Variants in MAU2 observed in about 807,000 individuals in gnomAD.
The protein encoded by MAU2 is MAU2 sister chromatid cohesion factor.
In MAU2, 9 loss-of-function variants were observed where a neutral mutation model predicts 89.1. That is an observed-to-expected ratio of 0.10 (90% CI 0.06 to 0.18). The LOEUF is 0.18. MAU2 is among the 10% of genes least tolerant of loss of function. The pLI, the probability that MAU2 is intolerant of heterozygous loss-of-function variation, is 1.00. For missense variants in MAU2, 425 were observed against 803.5 expected, an observed-to-expected ratio of 0.53 and a Z score of 5.69; for synonymous variants, 357 against 343.4, an observed-to-expected ratio of 1.04 and a Z score of -0.44.
chr19:19,322,460 G>A (rs560596354), intron 1 of MAU2, among the ~76,000 whole-genome samples: 73 of 152,250 alleles, frequency 4.8e-4, no homozygotes, highest in African/African-American at 1.6e-3. Flanking sequence ...CTAGCTGGGC[G>A]TACTGACGCG....
intron 10 of MAU2, chr19:19,344,513 T>G: frequency 5.2e-6 from 2 of 387,528 alleles, no homozygotes; most frequent in Non-Finnish European, 9.5e-6. Context: ...CCTTTGACAG[T>G]GATTGTTATA....
chr19:19,354,235 A>G, intron 16 of MAU2, 120 bp from the exon 17 acceptor site: 2 of 718,532 alleles, frequency 2.8e-6, no homozygotes, highest in Admixed American at 2.0e-5. Context: ...ACGCAGAAGG[A>G]GGTCACAACC....
Position 19,358,730 on chromosome 19 carries a change from A to G in MAU2, c.*2948A>G, listed in dbSNP as rs935871611. ...TGTGGATTTTGTTTCCTATATATTC[A>G]AAGTAAAATGACTTACAGGAGCCAC... is the stretch of plus-strand genomic sequence containing the variant. On this transcript the variant is annotated 3_prime_UTR_variant, in exon 19 of 19. Coordinates refer to ENST00000262815, the MANE Select transcript of MAU2 (RefSeq NM_015329.4). 1.3e-5 allele frequency: 2 copies of G among 152,224 alleles called. No individual in the cohort carries two copies. Among genetic ancestry groups the G allele is most frequent in the African/African-American group, 2.4e-5 (1 of 41,452 alleles). The allele number at this position is 152,224 out of a possible 1,614,324, so 9.4% of individuals were successfully genotyped here.
rs1273229780 is a variant in MAU2, at chr19:19,340,837, G to C, written c.552-9G>C. 1 of 1,613,208 alleles carries C rather than the reference G, an allele frequency of 6.2e-7. No individual in the cohort carries two copies. Among genetic ancestry groups the C allele is most frequent in the African/African-American group, 1.3e-5 (1 of 74,872 alleles). On this transcript the variant is annotated splice_polypyrimidine_tract_variant and intron_variant, in intron 5 of 18. Transcript: ENST00000262815. ...TGCTAGGACCTGACCCCTGCCTCTTGTTTTGCAGGGCGCTGTTCCTCCTCA... is the reference window on the plus strand; with the variant it reads ...TGCTAGGACCTGACCCCTGCCTCTTCTTTTGCAGGGCGCTGTTCCTCCTCA...
Position 19,349,253 on chromosome 19 carries a change from G to A in MAU2, c.1436+21G>A, listed in dbSNP as rs983780190. The A allele has an allele frequency of 2.5e-6, 4 of 1,614,022 alleles. No homozygotes were observed. The African/African-American group carries it at 5.3e-5, about 22-fold the overall frequency. On this transcript the variant is annotated intron_variant, in intron 15 of 18. Transcript: ENST00000262815. ...GCCAAGTAAGTGTGGGGCAGAGGGT[G>A]GCGTGAGGGCCATGCTCAGGGTAGC...
In MAU2 at chr19:19,349,189, C is replaced by T. The variant is rs1382252849; in HGVS notation, c.1393C>T (p.Arg465Cys). 3 of 1,614,072 alleles carry T rather than the reference C, an allele frequency of 1.9e-6. No individual in the cohort carries two copies. The highest frequency in any genetic ancestry group is 1.3e-5 in the African/African-American group (1 of 74,944). ...HCLRAAAFYV[R>C]GLFSFFQGRY... ...CCTCCGAGCAGCCGCCTTCTATGTG[C>T]GTGGGCTCTTCTCCTTCTTCCAGGG... The change falls in exon 15 of 19, where the codon CGT becomes TGT. Residue 465 changes from arginine (R) to cysteine (C), a missense_variant. Coordinates refer to ENST00000262815, the MANE Select transcript of MAU2 (RefSeq NM_015329.4).
Position 19,326,706 on chromosome 19 carries a change from A to ATATATATATATACGTATATATATATGTG in MAU2, c.276+5583_276+5584insCGTATATATATATGTGTATATATATATA, listed in dbSNP as rs2061508962. Among the ~76,000 whole-genome samples, 60 of 87,004 alleles carry ATATATATATATACGTATATATATATGTG rather than the reference A, an allele frequency of 6.9e-4. 2 individuals are homozygous for ATATATATATATACGTATATATATATGTG. The highest frequency in any genetic ancestry group is 1.7e-3 in the African/African-American group (48 of 28,430). The allele number at this position is 87,004 out of a possible 152,430, so 57.1% of individuals were successfully genotyped here. A position where few individuals can be genotyped will look rare whatever the true frequency, so the allele number is the denominator to read the frequency against. On this transcript the variant is annotated intron_variant, in intron 1 of 18. Coordinates refer to ENST00000262815, the MANE Select transcript of MAU2 (RefSeq NM_015329.4). ...CTCAAAAAAAAATATATATATGTATATATATATATATATACATATATATAT... is the reference window on the plus strand; with the variant it reads ...CTCAAAAAAAAATATATATATGTATATATATATATATACGTATATATATATGTGTATATATATATATACATATATATAT...
Position 19,326,693 on chromosome 19 carries a change from T to C in MAU2, c.276+5558T>C, listed in dbSNP as rs563748385. The stretch of plus-strand genomic sequence containing the variant: ...AGAGCGAGACTGTCTCAAAAAAAAA[T>C]ATATATATGTATATATATATATATA... On this transcript the variant is annotated intron_variant, in intron 1 of 18. Transcript: ENST00000262815. Among the ~76,000 whole-genome samples, 154 of 102,588 alleles carry C rather than the reference T, an allele frequency of 1.5e-3. 3 individuals are homozygous for C. Among genetic ancestry groups the C allele is most frequent in the Middle Eastern group, 4.8e-3 (1 of 208 alleles). 67.3% of individuals were successfully genotyped at this position (102,588 alleles called of 152,430 possible).
chr19:19,326,641 G>A (rs902705448), intron 1 of MAU2, among the ~76,000 whole-genome samples: 2 of 144,106 alleles, frequency 1.4e-5, no homozygotes, highest in Non-Finnish European at 1.5e-5. Context: ...AGCTGAGATC[G>A]CGCCACTGCA....
chr19:19,324,501 C>T (rs2061488573), intron 1 of MAU2, among the ~76,000 whole-genome samples: 1 of 152,180 alleles, frequency 6.6e-6, no homozygotes, highest in South Asian at 2.1e-4. Flanking sequence ...ACCTGCCTTC[C>T]CTTGTCTCCC....
intron 1 of MAU2, among the ~76,000 whole-genome samples, chr19:19,328,581 C>T (rs2061530421): frequency 6.6e-6 from 1 of 152,004 alleles, no homozygotes; most frequent in Admixed American, 6.6e-5. Context: ...ACCACCATGC[C>T]CGGCTAATTT....
At chr19:19,338,729 C>G in intron 4 of MAU2, 116 bp from the exon 5 acceptor site, 2 of 687,932 alleles carry the variant, frequency 2.9e-6, no homozygotes, top group Non-Finnish European at 5.0e-6. Context: ...AAAACTGACA[C>G]AGGCAGTTTC....
In MAU2 at chr19:19,358,525, C is replaced by T. The variant is rs901366346; in HGVS notation, c.*2743C>T. ...TTGGTTGCGTTGTCAGTTGTCTCTT[C>T]GTTTTGTTAAGGTTTTTAATAAGTA... On this transcript the variant is annotated 3_prime_UTR_variant, in exon 19 of 19. Coordinates refer to ENST00000262815, the MANE Select transcript of MAU2 (RefSeq NM_015329.4). 3.9e-5 allele frequency: 6 copies of T among 152,272 alleles called. No individual in the cohort carries two copies. The highest frequency in any genetic ancestry group is 4.1e-4 in the South Asian group (2 of 4,820). The allele number at this position is 152,272 out of a possible 1,614,324, so 9.4% of individuals were successfully genotyped here.
At chr19:19,332,350 T>TA (rs1555793564) in intron 1 of MAU2, among the ~76,000 whole-genome samples, 1 of 144,750 alleles carries the variant, frequency 6.9e-6, no homozygotes, top group Non-Finnish European at 1.5e-5. Context: ...TTTTTTTTTT[T>TA]AGAGCGAGAG....
intron 10 of MAU2, chr19:19,344,335 C>T: frequency 4.0e-6 from 1 of 249,172 alleles, no homozygotes; most frequent in South Asian, 4.9e-5. Context: ...TAGCCTGAAC[C>T]CAGGAGGCAG....
At chr19:19,344,183 G>A (rs2061675178) in intron 10 of MAU2, 1 of 477,300 alleles carries the variant, frequency 2.1e-6, no homozygotes, top group Non-Finnish European at 3.8e-6. Flanking sequence ...AGGCCGAGGC[G>A]GGTGGATCAC....
At chr19:19,349,914 G>T (rs1231011487) in intron 16 of MAU2, among the ~76,000 whole-genome samples, 1 of 151,100 alleles carries the variant, frequency 6.6e-6, no homozygotes, top group Non-Finnish European at 1.5e-5. Context: ...GGGACTGGCC[G>T]CCTCAGTCCT....
intron 3 of MAU2, among the ~76,000 whole-genome samples, chr19:19,336,419 C>T (rs532400043): frequency 6.6e-6 from 1 of 151,922 alleles, no homozygotes; most frequent in South Asian, 2.1e-4. Context: ...CCCACCTCAG[C>T]CTCCCGAGCA....
Position 19,345,132 on chromosome 19 carries a change from T to C in MAU2, c.1156-172T>C. On this transcript the variant is annotated intron_variant, in intron 11 of 18. Transcript: ENST00000262815. This position sits in a 1 kb window ranked among gnomAD's most constrained non-coding sequence, Gnocchi z 4.9. ...GCATCTTGTCCCACCCCACATTGGC[T>C]TGGGTCTGAAAGGTGGGGACAGTGA... 1 of 726,572 alleles carries C rather than the reference T, an allele frequency of 1.4e-6. No homozygotes were observed. The highest frequency in any genetic ancestry group is 2.4e-6 in the Non-Finnish European group (1 of 425,376). The allele number at this position is 726,572 out of a possible 1,614,324, so 45.0% of individuals were successfully genotyped here.
Sources: allele counts gnomAD v4.1 joint callset (sites outside exome capture counted in the v4.1 genomes callset), GRCh38; gene constraint gnomAD v4.1.1; non-coding constraint Gnocchi (gnomAD v3.1); transcripts MANE v1.5; gene names NCBI Gene and HGNC (gene_info 2026-07-23, HGNC 2026-07-21).